The following TYW3 variants were observed in gnomAD, a reference collection of about 807,000 sequenced individuals.
TYW3 encodes the protein tRNA wybutosine-synthesizing protein 3 homolog.
TYW3 carries 26 observed loss-of-function variants against 23.1 expected under a neutral mutation model. The observed-to-expected ratio is 1.13, with a 90% CI of 0.83 to 1.56. TYW3 has a LOEUF of 1.56. Ranked by LOEUF, TYW3 falls within the 40% of genes most tolerant of loss-of-function variation. The pLI is 0.00. For synonymous variants in TYW3, 102 were observed against 105.7 expected (o/e 0.97, Z 0.21); for missense variants, 316 against 311.9 (o/e 1.01, Z -0.10).
In TYW3 at chr1:74,733,403, C is replaced by A. The variant is rs779044815; in HGVS notation, c.159C>A (p.Ile53=). 6.2e-7 allele frequency: 1 copy of A among 1,614,238 alleles called. No individual in the cohort carries two copies. ...FFTTSSCAGR[I]LLLDRGINGF... ...CCACCAGCTCCTGCGCTGGCCGCATCCTACTCCTTGACCGGGTGAGGCCCC... is the reference window on the plus strand; with the variant it reads ...CCACCAGCTCCTGCGCTGGCCGCATACTACTCCTTGACCGGGTGAGGCCCC... Residue 53 remains isoleucine (I), a synonymous_variant, in exon 1 of 6, where the codon ATC becomes ATA. Coordinates refer to ENST00000370867, the MANE Select transcript of TYW3 (RefSeq NM_138467.3).
intron 1 of TYW3, 138 bp from the exon 2 acceptor site, chr1:74,736,404 A>T (rs1198611807): frequency 1.3e-5 from 7 of 547,982 alleles, no homozygotes; most frequent in Admixed American, 4.2e-5. Context: ...CCAAAAACAT[A>T]CCGAATTGTT....
At chr1:74,752,487 ATACT>A (rs1648819269) in intron 5 of TYW3, 62 bp downstream of exon 5, 3 of 1,442,872 alleles carry the variant, frequency 2.1e-6, no homozygotes, top group East Asian at 2.3e-5. Context: ...GAAAACATTA[ATACT>A]TACTATCTTC....
In TYW3 at chr1:74,764,099, C is replaced by G; in HGVS notation, c.766C>G (p.Pro256Ala). 6.2e-7 allele frequency: 1 copy of G among 1,608,558 alleles called. No individual in the cohort carries two copies. Residue 256 changes from proline (P) to alanine (A), a missense_variant, in exon 6 of 6, where the codon CCT becomes GCT. Transcript: ENST00000370867. The part of the protein sequence containing the change: ...DDLGINVTIF[P>A]EDY Reference sequence around the variant, plus strand: ...TCTAGGAATCAATGTTACCATCTTCCCTGAAGATTACTAAGCTTTGGTTCT... The same window carrying G: ...TCTAGGAATCAATGTTACCATCTTCGCTGAAGATTACTAAGCTTTGGTTCT...
chr1:74,754,171 GT>G, intron 5 of TYW3, among the ~76,000 whole-genome samples: 1 of 152,228 alleles, frequency 6.6e-6, no homozygotes, highest in African/African-American at 2.4e-5. Context: ...TAGCAAATCA[GT>G]TTTCTCTGTT....
At chr1:74,742,140 A>G (rs1380966771) in intron 3 of TYW3, among the ~76,000 whole-genome samples, 1 of 152,244 alleles carries the variant, frequency 6.6e-6, no homozygotes, top group Non-Finnish European at 1.5e-5. Context: ...TGACTTAGGC[A>G]TATGGGTGAA....
intron 3 of TYW3, among the ~76,000 whole-genome samples, chr1:74,747,323 G>A (rs1296979871): frequency 6.6e-6 from 1 of 152,188 alleles, no homozygotes; most frequent in African/African-American, 2.4e-5. Context: ...CTAGATAGAT[G>A]ATGGTGTCAT....
At chr1:74,747,509 C>T (rs1363605793) in intron 3 of TYW3, among the ~76,000 whole-genome samples, 1 of 149,048 alleles carries the variant, frequency 6.7e-6, no homozygotes, top group Admixed American at 6.7e-5. Flanking sequence ...TAGTGGCGGG[C>T]GCCTGTAGTC....
intron 3 of TYW3, among the ~76,000 whole-genome samples, chr1:74,745,448 A>C (rs879496343): frequency 8.6e-5 from 13 of 152,016 alleles, no homozygotes; most frequent in Non-Finnish European, 1.8e-4. Flanking sequence ...ACAATCCTTT[A>C]GCTAGACACA....
intron 3 of TYW3, among the ~76,000 whole-genome samples, chr1:74,744,337 C>A (rs1412491997): frequency 1.3e-5 from 2 of 151,988 alleles, no homozygotes; most frequent in Non-Finnish European, 2.9e-5. Flanking sequence ...CCTCAGGTGG[C>A]CATTTTTCCC....
rs1159199134 is a variant in TYW3 at position 74,765,066 on chromosome 1, A to G, written c.*953A>G. On this transcript the variant is annotated 3_prime_UTR_variant, in exon 6 of 6. Coordinates refer to ENST00000370867, the MANE Select transcript of TYW3 (RefSeq NM_138467.3). The stretch of plus-strand genomic sequence containing the variant: ...ATGCTACTTTAATAGGCCCTGCCGC[A>G]GATCTTCCAAACCAGAATCTTAATC... The G allele has an allele frequency of 6.6e-6, 1 of 152,158 alleles. No homozygotes were observed. Among genetic ancestry groups the G allele is most frequent in the Non-Finnish European group, 1.5e-5 (1 of 68,022 alleles). 9.4% of individuals were successfully genotyped at this position (152,158 alleles called of 1,614,324 possible). A position where few individuals can be genotyped will look rare whatever the true frequency, so the allele number is the denominator to read the frequency against.
chr1:74,765,492 T>C lies in TYW3; in HGVS notation c.*1379T>C, dbSNP rs1367250397. On this transcript the variant is annotated 3_prime_UTR_variant, in exon 6 of 6. Transcript: ENST00000370867. ...GTGCACATTCTTATCTACCAACATA[T>C]ACAGCAGTCCTTCTGGGAAGGAAAT... 1 of 152,110 alleles carries C rather than the reference T, an allele frequency of 6.6e-6. No homozygotes were observed. Among genetic ancestry groups the C allele is most frequent in the Non-Finnish European group, 1.5e-5 (1 of 68,020 alleles). 9.4% of individuals were successfully genotyped at this position (152,110 alleles called of 1,614,324 possible).
chr1:74,749,454 C>CGGGAGGCTGAGGCAGGAGAATGGCG, intron 4 of TYW3, among the ~76,000 whole-genome samples: 1 of 152,276 alleles, frequency 6.6e-6, no homozygotes, highest in African/African-American at 2.4e-5. Context: ...GACTTGCTTT[C>CGGGAGGCTGAGGCAGGAGAATGGCG]TTTTTGAGTC....
At chr1:74,757,960 CTCTT>C (rs1313065354) in intron 5 of TYW3, among the ~76,000 whole-genome samples, 1 of 152,182 alleles carries the variant, frequency 6.6e-6, no homozygotes, top group African/African-American at 2.4e-5. Flanking sequence ...TCCATTAAAT[CTCTT>C]TCTTTTGTAA....
intron 1 of TYW3, among the ~76,000 whole-genome samples, chr1:74,735,967 A>G (rs1267015979): frequency 5.9e-5 from 9 of 152,170 alleles, no homozygotes; most frequent in Admixed American, 5.2e-4. Context: ...CATTTGTTCA[A>G]TTTAAGTTAA....
chr1:74,739,373 AAAAC>A (rs1434808616), intron 3 of TYW3, among the ~76,000 whole-genome samples: 37 of 152,332 alleles, frequency 2.4e-4, no homozygotes, highest in African/African-American at 8.2e-4. Flanking sequence ...AAAAAAACAA[AAAAC>A]AAACTGCAAG....
chr1:74,751,226 T>C (rs1648774695), intron 4 of TYW3: 1 of 152,174 alleles, frequency 6.6e-6, no homozygotes, highest in Admixed American at 6.5e-5. Context: ...TTCAACATTT[T>C]CTTGCCAGTG....
intron 3 of TYW3, among the ~76,000 whole-genome samples, chr1:74,744,579 T>A (rs1267519173): frequency 6.6e-6 from 1 of 152,158 alleles, no homozygotes; most frequent in Non-Finnish European, 1.5e-5. Context: ...ACTCACCACT[T>A]GGCAATAGGC....
intron 2 of TYW3, among the ~76,000 whole-genome samples, chr1:74,738,113 A>AC (rs1244311444): frequency 4.6e-5 from 7 of 150,734 alleles, no homozygotes; most frequent in African/African-American, 7.3e-5. Context: ...CAGGGAAAAA[A>AC]AAACAAACAA....
In TYW3 at chr1:74,764,829, A is replaced by G. The variant is rs1162278332; in HGVS notation, c.*716A>G. 3.9e-5 allele frequency: 6 copies of G among 152,222 alleles called. No individual in the cohort carries two copies. The highest frequency in any genetic ancestry group is 3.9e-4 in the Admixed American group (6 of 15,266). The allele number at this position is 152,222 out of a possible 1,614,324, so 9.4% of individuals were successfully genotyped here. ...GGAAAAATCAGAAAACCTCTCGCAG[A>G]CAAAGGGTATATAATGGATATGAGG... is the stretch of plus-strand genomic sequence containing the variant. On this transcript the variant is annotated 3_prime_UTR_variant, in exon 6 of 6. Transcript: ENST00000370867.
Sources: allele counts gnomAD v4.1 joint callset (sites outside exome capture counted in the v4.1 genomes callset), GRCh38; gene constraint gnomAD v4.1.1; transcripts MANE v1.5; gene names NCBI Gene and HGNC (gene_info 2026-07-23, HGNC 2026-07-21).